C11orf65: variants seen among roughly 807,000 people sequenced by gnomAD.
The protein encoded by C11orf65 is chromosome 11 open reading frame 65.
Under a neutral mutation model 35.3 loss-of-function variants are expected in C11orf65, and 38 were observed. The ratio of observed to expected loss-of-function variants is 1.08; its 90% CI spans 0.83 to 1.41. The LOEUF (loss-of-function observed/expected upper bound fraction) is 1.41, where lower values mean the gene tolerates loss of function less well. Ranked by LOEUF, C11orf65 falls within the 40% of genes most tolerant of loss-of-function variation. The probability of loss-of-function intolerance (pLI) is 0.00; values close to 1 mark genes in which losing one functional copy is unlikely to be tolerated. For synonymous variants in C11orf65, 105 were observed against 114.4 expected (o/e 0.92, Z 0.53); for missense variants, 370 against 367.1 (o/e 1.01, Z -0.06).
rs587779854 is a variant in C11orf65 at position 108,317,406 on chromosome 11, T to C, written c.641-8335A>G. 2 of 1,612,438 alleles carry C rather than the reference T, an allele frequency of 1.2e-6. No individual in the cohort carries two copies. Among genetic ancestry groups the C allele is most frequent in the African/African-American group, 1.3e-5 (1 of 74,734 alleles). ...GAATTTGGGACTCTGCCATATTCTT[T>C]CCGTCTATTTAAAAGGATTGGATTA... is the stretch of plus-strand genomic sequence containing the variant. On this transcript the variant is annotated intron_variant, in intron 6 of 6. Coordinates refer to the C11orf65 transcript ENST00000525729.
intron 2 of C11orf65, among the ~76,000 whole-genome samples, chr11:108,364,574 GA>G (rs2091138707): frequency 6.6e-6 from 1 of 152,148 alleles, no homozygotes; most frequent in African/African-American, 2.4e-5. Context: ...AGAACTGAGA[GA>G]AAAAGAGCCA....
At chr11:108,328,008 C>T (rs533886011), downstream of C11orf65, among the ~76,000 whole-genome samples, 5 of 152,276 alleles carry the variant, frequency 3.3e-5, no homozygotes, top group East Asian at 9.7e-4. Context: ...ACCAGCTACC[C>T]TTTCAGCAGG....
intron 2 of C11orf65, among the ~76,000 whole-genome samples, chr11:108,351,079 TTGAA>T (rs1183949910): frequency 6.6e-6 from 1 of 152,186 alleles, no homozygotes; most frequent in African/African-American, 2.4e-5. Context: ...TATAATGAGA[TTGAA>T]TGAATAATAA....
At chr11:108,453,592 G>T (rs546652645) in intron 2 of C11orf65, among the ~76,000 whole-genome samples, 1 of 152,050 alleles carries the variant, frequency 6.6e-6, no homozygotes, top group Non-Finnish European at 1.5e-5. Flanking sequence ...AGAACACTAG[G>T]GTAGCTATAA....
chr11:108,433,423 A>G (rs2093020163), intron 2 of C11orf65, among the ~76,000 whole-genome samples: 1 of 151,384 alleles, frequency 6.6e-6, no homozygotes, highest in Non-Finnish European at 1.5e-5. Flanking sequence ...CTAAAAATAC[A>G]AAAAAAATTA....
At chr11:108,416,329 T>C (rs1193891707) in intron 3 of C11orf65, among the ~76,000 whole-genome samples, 1 of 152,166 alleles carries the variant, frequency 6.6e-6, no homozygotes, top group Non-Finnish European at 1.5e-5. Flanking sequence ...ATACAGACGA[T>C]ACATAAGCAT....
rs185887355 is a variant in C11orf65 at position 108,446,095 on chromosome 11, A to T, written c.82-14257T>A. 7.9e-4 allele frequency among the ~76,000 whole-genome samples: 120 copies of T among 152,334 alleles called. 2 individuals carry two copies. Among genetic ancestry groups the T allele is most frequent in the African/African-American group, 2.6e-3 (108 of 41,562 alleles). On this transcript the variant is annotated intron_variant, in intron 2 of 8. Transcript: ENST00000393084. Reference sequence around the variant, plus strand: ...GAAGTTTAGAGAAAAAAGAATAAAAAGAAACGAACAAAGCCTCCAAGAAAT... The same window carrying T: ...GAAGTTTAGAGAAAAAAGAATAAAATGAAACGAACAAAGCCTCCAAGAAAT...
chr11:108,333,372 C>A (rs748853527), intron 3 of C11orf65, among the ~76,000 whole-genome samples: 1 of 152,130 alleles, frequency 6.6e-6, no homozygotes, highest in Non-Finnish European at 1.5e-5. Flanking sequence ...GCTATATAAT[C>A]TTTGGTTTTG....
At chr11:108,334,069 A>G in intron 3 of C11orf65, 3 of 895,602 alleles carry the variant, frequency 3.3e-6, no homozygotes, top group Non-Finnish European at 5.4e-6. Flanking sequence ...TTGGTTAAAT[A>G]TTGGCAAATT....
At chr11:108,405,310 G>A in intron 6 of C11orf65, 119 bp downstream of exon 6, 1 of 986,638 alleles carries the variant, frequency 1.0e-6, no homozygotes, top group Non-Finnish European at 1.5e-6. Context: ...GTTTGGGTCA[G>A]GGTCTGCGGG....
intron 6 of C11orf65, among the ~76,000 whole-genome samples, chr11:108,396,026 C>T (rs890706077): frequency 1.3e-5 from 2 of 152,116 alleles, no homozygotes; most frequent in African/African-American, 4.8e-5. Flanking sequence ...ACACTGTTAT[C>T]GGGTGGCAGG....
At chr11:108,395,043 A>C (rs2092271777) in intron 6 of C11orf65, among the ~76,000 whole-genome samples, 1 of 152,044 alleles carries the variant, frequency 6.6e-6, no homozygotes, top group Non-Finnish European at 1.5e-5. Context: ...AGGTGGGAGA[A>C]TTGTTTGAGC....
At chr11:108,317,518 T>A (rs2136170719) in intron 6 of C11orf65, 1 of 1,604,516 alleles carries the variant, frequency 6.2e-7, no homozygotes, top group South Asian at 1.1e-5. Flanking sequence ...TGCACTTCCG[T>A]CAGGTAAGAA....
chr11:108,377,418 C>T (rs2091759836), intron 2 of C11orf65, among the ~76,000 whole-genome samples: 3 of 152,110 alleles, frequency 2.0e-5, no homozygotes, highest in Admixed American at 6.6e-5. Context: ...AGGCCTTGGA[C>T]AAAATTCAAC....
intron 3 of C11orf65, among the ~76,000 whole-genome samples, chr11:108,334,323 T>C (rs1417839680): frequency 6.6e-6 from 1 of 152,218 alleles, no homozygotes; most frequent in East Asian, 1.9e-4. Flanking sequence ...TTAAAAATTC[T>C]ATGTGCAGTA....
At chr11:108,404,032 C>G (rs1021653810) in intron 6 of C11orf65, among the ~76,000 whole-genome samples, 1 of 152,130 alleles carries the variant, frequency 6.6e-6, no homozygotes, top group African/African-American at 2.4e-5. Context: ...GAGAAGTCTG[C>G]ACATACCTCT....
downstream of C11orf65, chr11:108,331,382 T>C (rs1591166484): frequency 3.8e-6 from 6 of 1,571,452 alleles, no homozygotes; most frequent in East Asian, 1.4e-4. Flanking sequence ...ACTTACTTGC[T>C]TAGATGTGAG....
At chr11:108,341,709 C>A (rs1025719734) in intron 2 of C11orf65, among the ~76,000 whole-genome samples, 3 of 151,986 alleles carry the variant, frequency 2.0e-5, no homozygotes, top group Non-Finnish European at 4.4e-5. Flanking sequence ...ATATAAAGAA[C>A]AAGGGATTTA....
chr11:108,391,394 T>C (rs2092157284), intron 7 of C11orf65, among the ~76,000 whole-genome samples: 1 of 152,252 alleles, frequency 6.6e-6, no homozygotes, highest in Admixed American at 6.5e-5. Context: ...TCTTTTCTTT[T>C]TTTTGAGACG....
Sources: allele counts gnomAD v4.1 joint callset (sites outside exome capture counted in the v4.1 genomes callset), GRCh38; gene constraint gnomAD v4.1.1; transcripts MANE v1.5; gene names NCBI Gene and HGNC (gene_info 2026-07-23, HGNC 2026-07-21).